Variants in SLC13A5 observed in about 807,000 individuals in gnomAD.
SLC13A5 encodes solute carrier family 13 member 5, also known as Na(+)/citrate cotransporter.
A neutral mutation model predicts 56.5 loss-of-function variants in SLC13A5; 25 were observed. The observed-to-expected ratio is 0.44, with a 90% confidence interval of 0.32 to 0.62. The LOEUF (loss-of-function observed/expected upper bound fraction) is 0.62, where lower values mean the gene tolerates loss of function less well. Among genes scored for constraint, SLC13A5 ranks in the 20% least tolerant of loss-of-function variants. The pLI is 0.04. For synonymous variants in SLC13A5, 307 were observed against 301.5 expected, an observed-to-expected ratio of 1.02 and a Z score of -0.19; for missense variants, 649 against 737.8, an observed-to-expected ratio of 0.88 and a Z score of 1.39.
chr17:6,700,039 C>T (rs1416774048), intron 6 of SLC13A5, among the ~76,000 whole-genome samples: 1 of 152,212 alleles, frequency 6.6e-6, no homozygotes. Flanking sequence ...GCAGTCTCTT[C>T]CCTCTGGTCA....
chr17:6,694,494 T>C (rs1227800591), intron 7 of SLC13A5, among the ~76,000 whole-genome samples: 1 of 152,102 alleles, frequency 6.6e-6, no homozygotes, highest in East Asian at 1.9e-4. Flanking sequence ...GGCGGGCGCC[T>C]GTAATCCCAG....
rs1474043849 is a variant in SLC13A5, at chr17:6,701,205, C to T, written c.717-79G>A. ...GGCCCTGTGCGTGGGGACGGAGCAGCAGCTGGGCCCTGAGAGGCGCGCCTG... is the reference window on the plus strand; with the variant it reads ...GGCCCTGTGCGTGGGGACGGAGCAGTAGCTGGGCCCTGAGAGGCGCGCCTG... On this transcript the variant is annotated intron_variant, in intron 5 of 11. Coordinates refer to ENST00000433363, the MANE Select transcript of SLC13A5 (RefSeq NM_177550.5). This position sits in a 1 kb window ranked among gnomAD's most constrained non-coding sequence, Gnocchi z 4.1. The T allele has an allele frequency of 1.3e-5, 21 of 1,579,638 alleles. No homozygotes were observed. Among genetic ancestry groups the T allele is most frequent in the East Asian group, 6.9e-5 (3 of 43,458 alleles).
intron 1 of SLC13A5, among the ~76,000 whole-genome samples, chr17:6,708,358 G>A (rs1225870870): frequency 1.3e-5 from 2 of 152,172 alleles, no homozygotes; most frequent in Non-Finnish European, 2.9e-5. Flanking sequence ...ATTAGCATAT[G>A]GAGTTGTCAC....
In SLC13A5 at chr17:6,694,213, C is replaced by G; in HGVS notation, c.1056-16G>C. On this transcript the variant is annotated splice_polypyrimidine_tract_variant and intron_variant, in intron 7 of 11. Transcript: ENST00000433363. ...GGAGACATACCTAGGTGGGGAAAAGCACAGCTCATCTGCGACAGAGACAGT... is the reference window on the plus strand; with the variant it reads ...GGAGACATACCTAGGTGGGGAAAAGGACAGCTCATCTGCGACAGAGACAGT... The G allele has an allele frequency of 6.7e-7, 1 of 1,489,610 alleles. No homozygotes were observed. Among genetic ancestry groups the G allele is most frequent in the Admixed American group, 1.7e-5 (1 of 59,406 alleles). The allele number at this position is 1,489,610 out of a possible 1,614,324, so 92.3% of individuals were successfully genotyped here.
chr17:6,692,231 AGATGGATGGATGGATG>A lies in SLC13A5; in HGVS notation c.1275+797_1275+812del, dbSNP rs370078806. Among the ~76,000 whole-genome samples the A allele has an allele frequency of 4.6e-4, 66 of 143,920 alleles. No homozygotes were observed. In the South Asian group the frequency reaches 0.012, roughly 26 times the overall value. 94.4% of individuals were successfully genotyped at this position (143,920 alleles called of 152,430 possible). ...TAGATAGATGGGTGGATGGATGGAC[AGATGGATGGATGGATG>A]GATGGATGGATGGATGGATGGATGG... On this transcript the variant is annotated intron_variant, in intron 9 of 11. Coordinates refer to ENST00000433363, the MANE Select transcript of SLC13A5 (RefSeq NM_177550.5). This position sits in a 1 kb window ranked among gnomAD's most constrained non-coding sequence, Gnocchi z 5.5.
intron 7 of SLC13A5, chr17:6,695,520 G>A: frequency 2.0e-6 from 1 of 510,664 alleles, no homozygotes; most frequent in Non-Finnish European, 3.5e-6. Context: ...CTCCCAAGTA[G>A]CTGGGACTAC....
chr17:6,702,587 T>C (rs1372029981), intron 5 of SLC13A5, among the ~76,000 whole-genome samples: 1 of 152,158 alleles, frequency 6.6e-6, no homozygotes, highest in African/African-American at 2.4e-5. Flanking sequence ...TTCTACAAGT[T>C]TCAACCAAGG....
rs991824345 is a variant in SLC13A5, at chr17:6,692,810, G to A, written c.1275+234C>T. On this transcript the variant is annotated intron_variant, in intron 9 of 11. Coordinates refer to ENST00000433363, the MANE Select transcript of SLC13A5 (RefSeq NM_177550.5). The surrounding 1 kb of genome is among the most constrained non-coding windows in gnomAD (Gnocchi z 5.5). ...TCCTCTGCCTCTCTTGGCTAACCAC[G>A]GTCACTCATTCACTCATTCCTGCAA... 3.1e-5 allele frequency: 17 copies of A among 544,678 alleles called. No individual in the cohort carries two copies. The highest frequency in any genetic ancestry group is 1.3e-4 in the African/African-American group (7 of 52,312). 33.7% of individuals were successfully genotyped at this position (544,678 alleles called of 1,614,324 possible).
intron 8 of SLC13A5, 24 bp from the exon 9 acceptor site, chr17:6,693,186 C>T (rs762015681): frequency 2.5e-6 from 1 of 397,728 alleles, no homozygotes; most frequent in East Asian, 3.9e-5. Context: ...GAAACACACA[C>T]ACACACACAC....
chr17:6,704,804 G>C (rs16956182), intron 3 of SLC13A5: 7,644 of 157,572 alleles, frequency 0.049, 609 homozygotes, highest in African/African-American at 0.17. Flanking sequence ...CTGGGACCAC[G>C]CTCTCAGTGT....
chr17:6,695,681 G>T (rs761567562), intron 7 of SLC13A5, 45 bp downstream of exon 7: 2 of 1,600,410 alleles, frequency 1.2e-6, no homozygotes, highest in Admixed American at 3.3e-5. Context: ...GTGAGCCAAC[G>T]CGCCTGGCCC....
intron 6 of SLC13A5, among the ~76,000 whole-genome samples, chr17:6,696,410 A>T (rs1366423057): frequency 6.6e-6 from 1 of 152,202 alleles, no homozygotes; most frequent in African/African-American, 2.4e-5. Context: ...AGTCAGGGGC[A>T]GAATGGGTCC....
In SLC13A5 at chr17:6,687,554, T is replaced by C. The variant is rs1973282158; in HGVS notation, c.1550A>G (p.Tyr517Cys). The C allele has an allele frequency of 4.3e-6, 7 of 1,613,602 alleles. No individual in the cohort carries two copies. The highest frequency in any genetic ancestry group is 4.2e-6 in the Non-Finnish European group (5 of 1,179,906). The change falls in exon 11 of 12, where the codon TAT becomes TGT. Residue 517 changes from tyrosine (Y) to cysteine (C), a missense_variant. Transcript: ENST00000433363. This position sits in a 1 kb window ranked among gnomAD's most constrained non-coding sequence, Gnocchi z 5.0. ...ATPPNAIVFT[Y>C]GHLKVADMVK... ...CATGTCAGCAACCTTGAGGTGCCCA[T>C]AGGTGAACACGATGGCATTTGGAGG...
At position 6,687,980 on chromosome 17, in the gene SLC13A5, A is replaced by C. The variant is rs914100080; in HGVS notation, c.1438-314T>G. 21 of 204,882 alleles carry C rather than the reference A, an allele frequency of 1.0e-4. No individual in the cohort carries two copies. Among genetic ancestry groups the C allele is most frequent in the Non-Finnish European group, 2.0e-4 (21 of 103,164 alleles). 12.7% of individuals were successfully genotyped at this position (204,882 alleles called of 1,614,324 possible). A position where few individuals can be genotyped will look rare whatever the true frequency, so the allele number is the denominator to read the frequency against. On this transcript the variant is annotated intron_variant, in intron 10 of 11. Coordinates refer to ENST00000433363, the MANE Select transcript of SLC13A5 (RefSeq NM_177550.5). This position sits in a 1 kb window ranked among gnomAD's most constrained non-coding sequence, Gnocchi z 5.0. ...CTCAACCTTACAGTGCCGCGTGCAC[A>C]TGTCTGTCTGTCTTGCCACAGACTG...
chr17:6,685,488 A>C lies in SLC13A5; in HGVS notation c.*719T>G, dbSNP rs191824049. ...AGGAGGCTCACTGGAGAGGTGGGAC[A>C]GGGGGCCAGTCGATTAAAACAGAAC... is the stretch of plus-strand genomic sequence containing the variant. On this transcript the variant is annotated 3_prime_UTR_variant, in exon 12 of 12. Transcript: ENST00000433363. This position sits in a 1 kb window ranked among gnomAD's most constrained non-coding sequence, Gnocchi z 4.2. 6.6e-6 allele frequency: 1 copy of C among 152,604 alleles called. No individual in the cohort carries two copies. Among genetic ancestry groups the C allele is most frequent in the East Asian group, 1.9e-4 (1 of 5,200 alleles). The allele number at this position is 152,604 out of a possible 1,614,324, so 9.5% of individuals were successfully genotyped here.
intron 1 of SLC13A5, among the ~76,000 whole-genome samples, chr17:6,712,019 G>T (rs1044318976): frequency 6.6e-6 from 1 of 152,116 alleles, no homozygotes; most frequent in Non-Finnish European, 1.5e-5. Flanking sequence ...AGGAACTAAC[G>T]TTAATCCCTT....
At position 6,703,047 on chromosome 17, in the gene SLC13A5, G is replaced by A. The variant is rs1973758510; in HGVS notation, c.639C>T (p.Cys213=). 1 of 1,614,220 alleles carries A rather than the reference G, an allele frequency of 6.2e-7. No individual in the cohort carries two copies. Among genetic ancestry groups the A allele is most frequent in the Middle Eastern group, 1.6e-4 (1 of 6,062 alleles). Residue 213 remains cysteine, a synonymous_variant, in exon 5 of 12, where the codon TGC becomes TGT. Transcript: ENST00000433363. ...CGGTGCCCCCGATGCTGGCCGCGTA[G>A]CAGATGCACAGGGTCATGGCCTTAC... ...RLCKAMTLCI[C]YAASIGGTAT... is the part of the protein sequence containing the mutation.
At chr17:6,708,169 C>T (rs545423959) in intron 1 of SLC13A5, among the ~76,000 whole-genome samples, 5 of 152,306 alleles carry the variant, frequency 3.3e-5, no homozygotes, top group Admixed American at 1.3e-4. Context: ...GGGGTTTTGC[C>T]ACATTGGCCA....
rs190466535 is a variant in SLC13A5, at chr17:6,687,207, G to T, written c.1575+322C>A. ...CTATCTTCATGGTTCTTGCTAATTTGTCAAGTTCATCCTTGGCCATATGAG... is the reference window on the plus strand; with the variant it reads ...CTATCTTCATGGTTCTTGCTAATTTTTCAAGTTCATCCTTGGCCATATGAG... On this transcript the variant is annotated intron_variant, in intron 11 of 11. Transcript: ENST00000433363. This position sits in a 1 kb window ranked among gnomAD's most constrained non-coding sequence, Gnocchi z 5.0. The T allele has an allele frequency of 1.3e-5, 4 of 298,420 alleles. No individual in the cohort carries two copies. The highest frequency in any genetic ancestry group is 4.5e-5 in the African/African-American group (2 of 44,084). 18.5% of individuals were successfully genotyped at this position (298,420 alleles called of 1,614,324 possible). A position where few individuals can be genotyped will look rare whatever the true frequency, so the allele number is the denominator to read the frequency against.
Sources: allele counts gnomAD v4.1 joint callset (sites outside exome capture counted in the v4.1 genomes callset), GRCh38; gene constraint gnomAD v4.1.1; non-coding constraint Gnocchi (gnomAD v3.1); transcripts MANE v1.5; gene names NCBI Gene and HGNC (gene_info 2026-07-23, HGNC 2026-07-21).